Variants in ATP6V1H observed in about 807,000 individuals in gnomAD.
The protein encoded by ATP6V1H is ATPase H+ transporting V1 subunit H.
A neutral mutation model predicts 71.7 loss-of-function variants in ATP6V1H; 39 were observed. The ratio of observed to expected loss-of-function variants is 0.54; its 90% confidence interval spans 0.42 to 0.71. The LOEUF is 0.71. ATP6V1H is among the 30% of genes least tolerant of loss of function. The probability of loss-of-function intolerance (pLI) is 0.00; values close to 1 mark genes in which losing one functional copy is unlikely to be tolerated. For missense variants in ATP6V1H, 509 were observed against 594.9 expected (o/e 0.86, Z 1.50); for synonymous variants, 192 against 199.3 (o/e 0.96, Z 0.31).
At chr8:53,788,140 A>G (rs1276560901) in intron 9 of ATP6V1H, among the ~76,000 whole-genome samples, 1 of 152,196 alleles carries the variant, frequency 6.6e-6, no homozygotes, top group African/African-American at 2.4e-5. Context: ...TCCACTGTAC[A>G]TATCAAAATT....
At chr8:53,820,678 AAAAAG>A (rs1563482041) in intron 4 of ATP6V1H, among the ~76,000 whole-genome samples, 3 of 151,444 alleles carry the variant, frequency 2.0e-5, no homozygotes, top group South Asian at 2.1e-4. Flanking sequence ...AAAAAAAAAA[AAAAAG>A]AAAAGAAAAC....
intron 12 of ATP6V1H, among the ~76,000 whole-genome samples, chr8:53,745,527 G>C (rs1009552250): frequency 3.3e-5 from 5 of 152,130 alleles, no homozygotes; most frequent in African/African-American, 4.8e-5. Flanking sequence ...TTGTTCTCTA[G>C]ACTGCCTCTG....
At chr8:53,826,339 T>C (rs1031926737) in intron 4 of ATP6V1H, among the ~76,000 whole-genome samples, 5 of 152,212 alleles carry the variant, frequency 3.3e-5, no homozygotes, top group South Asian at 2.1e-4. Context: ...AAAATATATT[T>C]GCACAAGGTT....
chr8:53,824,787 AAAG>A (rs1293959973), intron 4 of ATP6V1H, among the ~76,000 whole-genome samples: 2 of 152,194 alleles, frequency 1.3e-5, no homozygotes, highest in South Asian at 4.1e-4. Context: ...AAGAATTGAA[AAAG>A]AAGTAAAATT....
At chr8:53,815,554 A>C (rs1810420971) in intron 5 of ATP6V1H, among the ~76,000 whole-genome samples, 1 of 152,356 alleles carries the variant, frequency 6.6e-6, no homozygotes, top group Non-Finnish European at 1.5e-5. Context: ...GTACACTTCC[A>C]AGGTCAGAAT....
chr8:53,745,233 A>C (rs1807555931), intron 12 of ATP6V1H, among the ~76,000 whole-genome samples: 1 of 152,020 alleles, frequency 6.6e-6, no homozygotes, highest in Non-Finnish European at 1.5e-5. Context: ...TGTCCCCACA[A>C]AAAAATTAAA....
intron 13 of ATP6V1H, among the ~76,000 whole-genome samples, chr8:53,731,602 A>C (rs753280759): frequency 2.4e-4 from 36 of 152,160 alleles, no homozygotes; most frequent in African/African-American, 7.9e-4. Flanking sequence ...TAGAGCTGTA[A>C]GCCCTTAAAA....
At chr8:53,731,641 G>A (rs1169205176) in intron 13 of ATP6V1H, among the ~76,000 whole-genome samples, 1 of 146,688 alleles carries the variant, frequency 6.8e-6, no homozygotes. Context: ...CGGGGAGCTC[G>A]GTTTTGGGAC....
At chr8:53,746,267 CTTT>C (rs562243257) in intron 12 of ATP6V1H, among the ~76,000 whole-genome samples, 9 of 143,218 alleles carry the variant, frequency 6.3e-5, no homozygotes, top group Admixed American at 1.4e-4. Flanking sequence ...ATGTTTATTT[CTTT>C]TTTTTTTTTT....
At chr8:53,808,589 G>A (rs56222736) in intron 7 of ATP6V1H, among the ~76,000 whole-genome samples, 217 of 152,252 alleles carry the variant, frequency 1.4e-3, no homozygotes, top group African/African-American at 4.8e-3. Flanking sequence ...ACAACATAGC[G>A]AGACCTTGTC....
chr8:53,783,550 G>T (rs1442099092), intron 9 of ATP6V1H, among the ~76,000 whole-genome samples: 3 of 152,108 alleles, frequency 2.0e-5, no homozygotes, highest in Non-Finnish European at 2.9e-5. Flanking sequence ...CTTCAGTTCT[G>T]CTCTGATCTT....
At chr8:53,727,477 G>C (rs1017064180) in intron 13 of ATP6V1H, among the ~76,000 whole-genome samples, 1 of 152,116 alleles carries the variant, frequency 6.6e-6, no homozygotes, top group Admixed American at 6.5e-5. Flanking sequence ...TCCATGTTTT[G>C]TCAGAGTCCA....
At chr8:53,724,157 A>C (rs1806723271) in intron 13 of ATP6V1H, among the ~76,000 whole-genome samples, 1 of 152,148 alleles carries the variant, frequency 6.6e-6, no homozygotes, top group Non-Finnish European at 1.5e-5. Flanking sequence ...ACCTACAAAC[A>C]AGGGATTACA....
intron 12 of ATP6V1H, among the ~76,000 whole-genome samples, chr8:53,748,860 G>C (rs1807698095): frequency 6.6e-6 from 1 of 152,124 alleles, no homozygotes; most frequent in African/African-American, 2.4e-5. Context: ...AAACCAGTTT[G>C]GTCAATAAAA....
In ATP6V1H at chr8:53,756,729, T is replaced by C. The variant is rs144525900; in HGVS notation, c.1176-73A>G. On this transcript the variant is annotated intron_variant, in intron 11 of 13. Coordinates refer to ENST00000359530, the MANE Select transcript of ATP6V1H (RefSeq NM_015941.4). ...AGACTACAACAGAGCACAGGTATAA[T>C]GAAGATATCTTCCTGAAAATAGACA... 5.9e-4 allele frequency: 516 copies of C among 871,890 alleles called. 2 individuals carry two copies. In the African/African-American group the frequency reaches 8.1e-3, roughly 14 times the overall value. 54.0% of individuals were successfully genotyped at this position (871,890 alleles called of 1,614,324 possible).
At chr8:53,743,146 T>C (rs1807474251) in intron 13 of ATP6V1H, among the ~76,000 whole-genome samples, 1 of 152,234 alleles carries the variant, frequency 6.6e-6, no homozygotes. Context: ...GAATGAAATG[T>C]GAGAGCTGAA....
In ATP6V1H at chr8:53,801,901, A is replaced by G; in HGVS notation, c.580-5T>C. The G allele has an allele frequency of 6.2e-7, 1 of 1,611,766 alleles. No homozygotes were observed. ...GCACTGCACATACTGCGAACTCTGCACAAGAAGAAGTGTTGAGTTTTTAAA... is the reference window on the plus strand; with the variant it reads ...GCACTGCACATACTGCGAACTCTGCGCAAGAAGAAGTGTTGAGTTTTTAAA... On this transcript the variant is annotated splice_polypyrimidine_tract_variant and splice_region_variant and intron_variant, in intron 7 of 13. Coordinates refer to ENST00000359530, the MANE Select transcript of ATP6V1H (RefSeq NM_015941.4).
intron 10 of ATP6V1H, 113 bp downstream of exon 10, chr8:53,771,876 T>C (rs1808670949): frequency 1.1e-5 from 10 of 902,422 alleles, no homozygotes; most frequent in Non-Finnish European, 1.7e-5. Flanking sequence ...CGTATTTTAG[T>C]GGACTCTCTT....
At chr8:53,819,656 A>C (rs1455977164) in intron 4 of ATP6V1H, among the ~76,000 whole-genome samples, 1 of 97,434 alleles carries the variant, frequency 1.0e-5, no homozygotes, top group Non-Finnish European at 1.8e-5. Flanking sequence ...ATATGTATAT[A>C]CGTATATACA....
Sources: gnomAD v4.1 joint callset for allele counts (sites outside exome capture counted in the v4.1 genomes callset) on GRCh38, gnomAD v4.1.1 for gene constraint, MANE v1.5 for transcripts, NCBI Gene and HGNC (gene_info 2026-07-23, HGNC 2026-07-21) for gene names.